Variants in SPAG16 observed in about 807,000 individuals in gnomAD.
The protein encoded by SPAG16 is sperm associated antigen 16.
A neutral mutation model predicts 80.4 loss-of-function variants in SPAG16; 86 were observed. That is an observed-to-expected ratio of 1.07 (90% CI 0.90 to 1.28). SPAG16 has a LOEUF of 1.28. Among genes scored for constraint, SPAG16 ranks in the 50% most tolerant of loss-of-function variants. The pLI is 0.00. For missense variants in SPAG16, 870 were observed against 765.3 expected, an observed-to-expected ratio of 1.14 and a Z score of -1.61; for synonymous variants, 294 against 265.9, an observed-to-expected ratio of 1.11 and a Z score of -1.03.
chr2:213,327,582 T>C (rs2063900391), intron 5 of SPAG16, among the ~76,000 whole-genome samples: 1 of 152,146 alleles, frequency 6.6e-6, no homozygotes, highest in South Asian at 2.1e-4. Flanking sequence ...AAAGTATTTT[T>C]AACATGTTGT....
intron 11 of SPAG16, among the ~76,000 whole-genome samples, chr2:213,902,853 A>G (rs1263531322): frequency 1.3e-5 from 2 of 152,238 alleles, no homozygotes; most frequent in East Asian, 3.8e-4. Context: ...CAGTGGGGGT[A>G]CAGGTATTGG....
At chr2:213,684,030 T>C (rs893744181) in intron 10 of SPAG16, among the ~76,000 whole-genome samples, 1 of 152,232 alleles carries the variant, frequency 6.6e-6, no homozygotes, top group Non-Finnish European at 1.5e-5. Context: ...TAAAAAGAAT[T>C]CATTCTGACT....
intron 10 of SPAG16, among the ~76,000 whole-genome samples, chr2:213,588,616 C>A (rs1209491615): frequency 2.0e-5 from 3 of 150,486 alleles, no homozygotes; most frequent in Admixed American, 6.6e-5. Flanking sequence ...TCCTGGCTAA[C>A]AAGGTGAAAC....
At chr2:213,500,159 C>T (rs1446470146) in intron 10 of SPAG16, among the ~76,000 whole-genome samples, 1 of 152,060 alleles carries the variant, frequency 6.6e-6, no homozygotes, top group African/African-American at 2.4e-5. Context: ...CCTGACAAAC[C>T]CACAGAATGC....
At chr2:213,943,417 G>A (rs2079298733) in intron 12 of SPAG16, among the ~76,000 whole-genome samples, 1 of 152,246 alleles carries the variant, frequency 6.6e-6, no homozygotes, top group East Asian at 1.9e-4. Context: ...AAGTGATCAT[G>A]TAATGTCAGC....
intron 10 of SPAG16, among the ~76,000 whole-genome samples, chr2:213,525,765 A>T (rs142831863): frequency 1.3e-5 from 2 of 152,126 alleles, no homozygotes; most frequent in Non-Finnish European, 2.9e-5. Context: ...ATCCATGTCT[A>T]TGTATATCTA....
Position 214,070,291 on chromosome 2 carries a change from CT to C in SPAG16, c.1528-37904del, listed in dbSNP as rs2050728075. Among the ~76,000 whole-genome samples, 7 of 152,078 alleles carry C rather than the reference CT, an allele frequency of 4.6e-5. 1 individual carries two copies. The South Asian group carries it at 1.5e-3, about 32-fold the overall frequency. On this transcript the variant is annotated intron_variant, in intron 13 of 15. Coordinates refer to ENST00000331683, the MANE Select transcript of SPAG16 (RefSeq NM_024532.5). Reference sequence around the variant, plus strand: ...ATTTTTATATTTAGAAAAGATGCCCCTACTCTGATACCAGATGAATATTTAC... The same window carrying C: ...ATTTTTATATTTAGAAAAGATGCCCCACTCTGATACCAGATGAATATTTAC...
chr2:213,961,752 C>T (rs575369003), intron 12 of SPAG16, among the ~76,000 whole-genome samples: 1 of 151,856 alleles, frequency 6.6e-6, no homozygotes, highest in Non-Finnish European at 1.5e-5. Context: ...GTGTATAATC[C>T]ATTTTACATG....
intron 15 of SPAG16, among the ~76,000 whole-genome samples, chr2:214,385,175 C>G (rs1700677121): frequency 6.6e-6 from 1 of 152,204 alleles, no homozygotes. Flanking sequence ...AGCCAAGACA[C>G]CTGGGTACGG....
chr2:214,224,855 T>G (rs2058664969), intron 15 of SPAG16, among the ~76,000 whole-genome samples: 1 of 152,160 alleles, frequency 6.6e-6, no homozygotes, highest in African/African-American at 2.4e-5. Context: ...GAACTGTCCC[T>G]GACCTCATAG....
chr2:213,656,707 T>TCATTTATAA (rs2063236514), intron 10 of SPAG16, among the ~76,000 whole-genome samples: 1 of 152,238 alleles, frequency 6.6e-6, no homozygotes, highest in Admixed American at 6.5e-5. Flanking sequence ...TGGTTGCAGT[T>TCATTTATAA]CATTTATAAC....
chr2:214,137,603 GT>G (rs1385677679), intron 14 of SPAG16, among the ~76,000 whole-genome samples: 1 of 152,036 alleles, frequency 6.6e-6, no homozygotes, highest in Admixed American at 6.6e-5. Flanking sequence ...TACTCTAGTA[GT>G]TTTGAGAAAA....
rs1559529536 is a variant in SPAG16, at chr2:213,860,462, GATATATCTATCTATATATAT to G, written c.1071-2017_1071-1998del. Among the ~76,000 whole-genome samples, 16 of 128,716 alleles carry G rather than the reference GATATATCTATCTATATATAT, an allele frequency of 1.2e-4. No homozygotes were observed. In the East Asian group the frequency reaches 3.0e-3, roughly 24 times the overall value. 84.4% of individuals were successfully genotyped at this position (128,716 alleles called of 152,430 possible). On this transcript the variant is annotated intron_variant, in intron 10 of 15. Coordinates refer to ENST00000331683, the MANE Select transcript of SPAG16 (RefSeq NM_024532.5). The stretch of plus-strand genomic sequence containing the variant: ...TTATAGATATATGTATATATATACA[GATATATCTATCTATATATAT>G]ATATACACACATATGTGTGTGTACA...
At chr2:213,438,306 T>C (rs1176111467) in intron 9 of SPAG16, among the ~76,000 whole-genome samples, 2 of 152,154 alleles carry the variant, frequency 1.3e-5, no homozygotes, top group African/African-American at 4.8e-5. Context: ...ATTTTTGAAA[T>C]AGACAACAAT....
At chr2:214,351,985 C>G (rs576843462) in intron 15 of SPAG16, among the ~76,000 whole-genome samples, 5 of 152,102 alleles carry the variant, frequency 3.3e-5, no homozygotes, top group Non-Finnish European at 7.4e-5. Context: ...GATCAAAATG[C>G]CAACAGATTT....
chr2:214,131,511 A>G (rs2054777016), intron 14 of SPAG16, among the ~76,000 whole-genome samples: 1 of 152,204 alleles, frequency 6.6e-6, no homozygotes, highest in Admixed American at 6.5e-5. Context: ...AAACCTCCAC[A>G]TAGAGTAGCT....
intron 15 of SPAG16, among the ~76,000 whole-genome samples, chr2:214,375,555 AACTT>A (rs529993741): frequency 1.3e-5 from 2 of 152,074 alleles, no homozygotes; most frequent in African/African-American, 4.8e-5. Flanking sequence ...CACACACACA[AACTT>A]ACTTATACAC....
chr2:213,915,216 G>T (rs1284883204), intron 11 of SPAG16, among the ~76,000 whole-genome samples: 1 of 151,834 alleles, frequency 6.6e-6, no homozygotes, highest in Non-Finnish European at 1.5e-5. Flanking sequence ...TGCCATGGTG[G>T]TTTGCTGCAC....
chr2:213,739,200 C>T (rs547913365), intron 10 of SPAG16, among the ~76,000 whole-genome samples: 3 of 152,176 alleles, frequency 2.0e-5, no homozygotes, highest in Non-Finnish European at 2.9e-5. Context: ...TTATTTCCCA[C>T]GTAGCCTCAG....
Sources: gnomAD v4.1 joint callset for allele counts (sites outside exome capture counted in the v4.1 genomes callset) on GRCh38, gnomAD v4.1.1 for gene constraint, MANE v1.5 for transcripts, NCBI Gene and HGNC (gene_info 2026-07-23, HGNC 2026-07-21) for gene names.